The following RALGPS2 variants were observed in gnomAD, a reference collection of about 807,000 sequenced individuals.
RALGPS2 encodes the protein Ral GEF with PH domain and SH3 binding motif 2.
In RALGPS2, 43 loss-of-function variants were observed where a neutral mutation model predicts 86.8. The observed-to-expected ratio is 0.50, with a 90% CI of 0.39 to 0.64. RALGPS2 has a LOEUF of 0.64. RALGPS2 is among the 30% of genes least tolerant of loss of function. The probability of loss-of-function intolerance (pLI) is 0.00; values close to 1 mark genes in which losing one functional copy is unlikely to be tolerated. For synonymous variants in RALGPS2, 243 were observed against 231.3 expected, an observed-to-expected ratio of 1.05 and a Z score of -0.46; for missense variants, 536 against 694.6, an observed-to-expected ratio of 0.77 and a Z score of 2.57.
At chr1:178,835,412 C>T (rs1365996356) in intron 8 of RALGPS2, among the ~76,000 whole-genome samples, 25 of 106,088 alleles carry the variant, frequency 2.4e-4, no homozygotes, top group East Asian at 1.1e-3. Context: ...TTTTTTTTTG[C>T]GACAGAGTCT....
chr1:178,729,156 T>C (rs1650197692), intron 1 of RALGPS2, among the ~76,000 whole-genome samples: 1 of 152,220 alleles, frequency 6.6e-6, no homozygotes, highest in Admixed American at 6.5e-5. Context: ...ATGACCTTTT[T>C]TTTCAGAACA....
In RALGPS2 at chr1:178,786,354, A is replaced by G. The variant is rs1030505587; in HGVS notation, c.213+747A>G. Among the ~76,000 whole-genome samples, 36 of 152,138 alleles carry G rather than the reference A, an allele frequency of 2.4e-4. 1 individual carries two copies. Among genetic ancestry groups the G allele is most frequent in the Admixed American group, 1.6e-3 (25 of 15,268 alleles). On this transcript the variant is annotated intron_variant, in intron 4 of 19. Transcript: ENST00000367635. ...AATTTGAAACTGGGTTTCACCACTAACTCTAGTAATCTTTTCCCTTATATC... is the reference window on the plus strand; with the variant it reads ...AATTTGAAACTGGGTTTCACCACTAGCTCTAGTAATCTTTTCCCTTATATC...
chr1:178,863,114 GTC>G (rs779729880), intron 8 of RALGPS2, among the ~76,000 whole-genome samples: 13 of 152,186 alleles, frequency 8.5e-5, no homozygotes, highest in Non-Finnish European at 1.6e-4. Flanking sequence ...AGCCTATGGA[GTC>G]TCTGTCTTCT....
chr1:178,825,379 G>A (rs1655700396), intron 7 of RALGPS2, among the ~76,000 whole-genome samples: 1 of 152,076 alleles, frequency 6.6e-6, no homozygotes, highest in Non-Finnish European at 1.5e-5. Flanking sequence ...GCTGGTCAGT[G>A]GTTTGGAAGC....
In RALGPS2 at chr1:178,883,424, GTTAA is replaced by G. The variant is rs747563381; in HGVS notation, c.837-36_837-33del. On this transcript the variant is annotated intron_variant, in intron 10 of 19. Coordinates refer to ENST00000367635, the MANE Select transcript of RALGPS2 (RefSeq NM_152663.5). ...CAACTTTAATCTTATTTTGTCAAAT[GTTAA>G]TTAATCATTGTATGTATTTTGTCTT... 19 of 1,405,272 alleles carry G rather than the reference GTTAA, an allele frequency of 1.4e-5. No homozygotes were observed. In the Admixed American group the frequency reaches 1.4e-4, roughly 10 times the overall value. The allele number at this position is 1,405,272 out of a possible 1,614,324, so 87.1% of individuals were successfully genotyped here.
chr1:178,880,468 A>G (rs905237312), intron 10 of RALGPS2, among the ~76,000 whole-genome samples: 5 of 152,330 alleles, frequency 3.3e-5, no homozygotes, highest in African/African-American at 1.2e-4. Context: ...TTACTTGAAA[A>G]TGTATGAAGT....
chr1:178,799,107 T>C (rs1654343968), intron 4 of RALGPS2, among the ~76,000 whole-genome samples: 1 of 152,134 alleles, frequency 6.6e-6, no homozygotes, highest in Admixed American at 6.6e-5. Context: ...TGGCGCGATC[T>C]CCGCTCACCA....
intron 1 of RALGPS2, among the ~76,000 whole-genome samples, chr1:178,761,410 C>T (rs1182381831): frequency 6.7e-6 from 1 of 150,066 alleles, no homozygotes. Flanking sequence ...GCCTGGGCGA[C>T]TTGAGTGACA....
chr1:178,851,335 G>A, intron 8 of RALGPS2: 1 of 1,589,064 alleles, frequency 6.3e-7, no homozygotes, highest in Non-Finnish European at 8.5e-7. Context: ...AAAAAATACA[G>A]ATATAAATGT....
intron 2 of RALGPS2, among the ~76,000 whole-genome samples, chr1:178,781,331 TA>T (rs1190506777): frequency 6.6e-6 from 1 of 152,296 alleles, no homozygotes; most frequent in African/African-American, 2.4e-5. Flanking sequence ...ACAAATTTCT[TA>T]TAGAAGTGAT....
At chr1:178,802,070 A>G (rs1229125023) in intron 4 of RALGPS2, among the ~76,000 whole-genome samples, 1 of 152,096 alleles carries the variant, frequency 6.6e-6, no homozygotes, top group Admixed American at 6.6e-5. Flanking sequence ...GGAGTTAGAA[A>G]CACCAGGCTC....
At chr1:178,801,054 G>A (rs1654446489) in intron 4 of RALGPS2, among the ~76,000 whole-genome samples, 1 of 151,894 alleles carries the variant, frequency 6.6e-6, no homozygotes, top group Non-Finnish European at 1.5e-5. Context: ...AGCCTCCCAA[G>A]TAGCTGGGAT....
At position 178,851,391 on chromosome 1, in the gene RALGPS2, T is replaced by C. The variant is rs76194027; in HGVS notation, c.607+17841T>C. On this transcript the variant is annotated intron_variant, in intron 8 of 19. Transcript: ENST00000367635. Reference sequence around the variant, plus strand: ...GTACTCTGCAATCATAAAAAACTTATTCTACCTTTAATTTGAACTTCCCTT... The same window carrying C: ...GTACTCTGCAATCATAAAAAACTTACTCTACCTTTAATTTGAACTTCCCTT... 7,431 of 1,335,134 alleles carry C rather than the reference T, an allele frequency of 5.6e-3. 351 individuals carry two copies. The African/African-American group carries it at 0.099, about 18-fold the overall frequency. 82.7% of individuals were successfully genotyped at this position (1,335,134 alleles called of 1,614,324 possible). A position where few individuals can be genotyped will look rare whatever the true frequency, so the allele number is the denominator to read the frequency against.
intron 1 of RALGPS2, among the ~76,000 whole-genome samples, chr1:178,728,846 AAC>A (rs1650179503): frequency 6.6e-6 from 1 of 152,232 alleles, no homozygotes; most frequent in Non-Finnish European, 1.5e-5. Context: ...ATAGAAATAA[AAC>A]ACTGGAATTT....
intron 1 of RALGPS2, among the ~76,000 whole-genome samples, chr1:178,731,785 A>G (rs982788386): frequency 6.6e-6 from 1 of 152,094 alleles, no homozygotes; most frequent in Non-Finnish European, 1.5e-5. Context: ...CCATGATTAT[A>G]TGGAGAGGAG....
intron 16 of RALGPS2, among the ~76,000 whole-genome samples, chr1:178,897,078 A>T (rs1659981279): frequency 6.6e-6 from 1 of 152,094 alleles, no homozygotes; most frequent in African/African-American, 2.4e-5. Flanking sequence ...AGTCCCACCA[A>T]CAAATTTACA....
At chr1:178,861,205 T>C (rs910223749) in intron 8 of RALGPS2, among the ~76,000 whole-genome samples, 12 of 152,224 alleles carry the variant, frequency 7.9e-5, no homozygotes, top group Admixed American at 6.5e-5. Context: ...GTAATTCTTA[T>C]GGTCTAGCAG....
intron 11 of RALGPS2, 43 bp downstream of exon 11, chr1:178,883,576 A>G (rs766104290): frequency 3.5e-6 from 5 of 1,445,932 alleles, no homozygotes; most frequent in Non-Finnish European, 4.9e-6. Context: ...TAAATCAGAT[A>G]ACCTAATAAG....
At chr1:178,864,972 C>T in intron 8 of RALGPS2, 2 of 1,456,530 alleles carry the variant, frequency 1.4e-6, no homozygotes, top group Non-Finnish European at 1.8e-6. Context: ...ATGAAAGTTA[C>T]CGGTGGTATC....
Sources: gnomAD v4.1 joint callset for allele counts (sites outside exome capture counted in the v4.1 genomes callset) on GRCh38, gnomAD v4.1.1 for gene constraint, MANE v1.5 for transcripts, NCBI Gene and HGNC (gene_info 2026-07-23, HGNC 2026-07-21) for gene names.